Variants in SLC23A2 observed in about 807,000 individuals in gnomAD.
SLC23A2 encodes the protein solute carrier family 23 member 2.
A neutral mutation model predicts 73.3 loss-of-function variants in SLC23A2; 36 were observed. That is an observed-to-expected ratio of 0.49 (90% CI 0.38 to 0.65). The LOEUF is 0.65. SLC23A2 is among the 30% of genes least tolerant of loss of function. SLC23A2 has a pLI of 0.00. For missense variants in SLC23A2, 507 were observed against 841.6 expected (o/e 0.60, Z 4.92); for synonymous variants, 343 against 327.3 (o/e 1.05, Z -0.52).
intron 3 of SLC23A2, among the ~76,000 whole-genome samples, chr20:4,931,031 A>C: frequency 6.8e-6 from 1 of 147,756 alleles, no homozygotes; most frequent in East Asian, 2.0e-4. Flanking sequence ...TTTTTTCTTA[A>C]AATATATTTT....
At chr20:4,909,357 C>T (rs987231196) in intron 4 of SLC23A2, among the ~76,000 whole-genome samples, 2 of 152,066 alleles carry the variant, frequency 1.3e-5, no homozygotes, top group Non-Finnish European at 2.9e-5. Flanking sequence ...AGTTTTAGGA[C>T]GGTTACTCTA....
At chr20:4,942,594 A>G (rs2087060045) in intron 2 of SLC23A2, among the ~76,000 whole-genome samples, 2 of 152,202 alleles carry the variant, frequency 1.3e-5, no homozygotes, top group African/African-American at 4.8e-5. Context: ...TACTTGTTTC[A>G]TCAGCTATTC....
At chr20:4,926,621 C>A (rs1488433406) in intron 3 of SLC23A2, among the ~76,000 whole-genome samples, 1 of 150,278 alleles carries the variant, frequency 6.7e-6, no homozygotes, top group Non-Finnish European at 1.5e-5. Context: ...TAACTAGAGT[C>A]CTGTGGGATA....
At chr20:4,907,790 G>A (rs1932008947) in intron 4 of SLC23A2, among the ~76,000 whole-genome samples, 1 of 151,812 alleles carries the variant, frequency 6.6e-6, no homozygotes, top group Non-Finnish European at 1.5e-5. Flanking sequence ...CAAATTAGAA[G>A]GATACTACAG....
At chr20:4,992,816 C>T (rs1157593308) in intron 1 of SLC23A2, among the ~76,000 whole-genome samples, 1 of 151,642 alleles carries the variant, frequency 6.6e-6, no homozygotes, top group African/African-American at 2.4e-5. Context: ...GGCCAACAGA[C>T]TTGAATTTAA....
chr20:4,971,584 C>T (rs1179124963), intron 1 of SLC23A2, among the ~76,000 whole-genome samples: 2 of 150,460 alleles, frequency 1.3e-5, no homozygotes, highest in Non-Finnish European at 3.0e-5. Context: ...GAGTTCAAGA[C>T]CAGCCTGGGC....
intron 2 of SLC23A2, among the ~76,000 whole-genome samples, chr20:4,968,665 G>A (rs552949170): frequency 6.6e-6 from 1 of 151,786 alleles, no homozygotes; most frequent in South Asian, 2.1e-4. Flanking sequence ...TCTTCCTTCA[G>A]AACTAAGAAA....
chr20:4,871,656 T>A (rs1206179189), intron 11 of SLC23A2, among the ~76,000 whole-genome samples: 3 of 152,140 alleles, frequency 2.0e-5, no homozygotes, highest in Non-Finnish European at 2.9e-5. Flanking sequence ...GCTTGTTCAT[T>A]CTGTGGGAGC....
intron 1 of SLC23A2, among the ~76,000 whole-genome samples, chr20:4,996,685 CAAAAAAAAAA>C (rs1555809857): frequency 1.8e-5 from 1 of 54,772 alleles, no homozygotes; most frequent in Non-Finnish European, 3.4e-5. Flanking sequence ...GATTCCATCT[CAAAAAAAAAA>C]AAAAAAAAAA....
intron 6 of SLC23A2, among the ~76,000 whole-genome samples, chr20:4,894,444 T>C (rs1360454657): frequency 1.3e-5 from 2 of 152,142 alleles, no homozygotes; most frequent in African/African-American, 4.8e-5. Flanking sequence ...AGATGTGCAG[T>C]GAAGGAAGAA....
At chr20:4,995,579 T>C (rs532175198) in intron 1 of SLC23A2, among the ~76,000 whole-genome samples, 13 of 152,182 alleles carry the variant, frequency 8.5e-5, no homozygotes, top group Non-Finnish European at 1.9e-4. Flanking sequence ...TTGCTCACAC[T>C]GATCCCTCGA....
intron 1 of SLC23A2, among the ~76,000 whole-genome samples, chr20:4,997,646 A>C (rs145302520): frequency 7.7e-4 from 117 of 152,242 alleles, no homozygotes; most frequent in Non-Finnish European, 1.2e-3. Context: ...TTATTTTTTT[A>C]AACAAAGTAG....
Position 4,899,587 on chromosome 20 carries a change from G to A in SLC23A2, c.450C>T (p.Ile150=). The A allele has an allele frequency of 6.2e-7, 1 of 1,614,154 alleles. No homozygotes were observed. Among genetic ancestry groups the A allele is most frequent in the Non-Finnish European group, 8.5e-7 (1 of 1,180,008 alleles). ...CAAACGTTGTCTGTAGCAAAGTAGT[G>A]ATTCCCACACAGAAGAAAATGGTCC... ...LIGTIFFCVG[I]TTLLQTTFGC... is the part of the protein sequence containing the mutation. Residue 150 remains isoleucine, a synonymous_variant, in exon 6 of 17, where the codon ATC becomes ATT. Coordinates refer to ENST00000338244, the MANE Select transcript of SLC23A2 (RefSeq NM_005116.6). This position sits in a 1 kb window ranked among gnomAD's most constrained non-coding sequence, Gnocchi z 4.9.
intron 2 of SLC23A2, among the ~76,000 whole-genome samples, chr20:4,962,391 TGGGGAGGCAAGA>T (rs981869371): frequency 6.6e-6 from 1 of 151,868 alleles, no homozygotes; most frequent in Non-Finnish European, 1.5e-5. Flanking sequence ...TAAAAAGGAC[TGGGGAGGCAAGA>T]GGAAGCCAGA....
chr20:4,975,596 G>C (rs1037684155), intron 1 of SLC23A2, among the ~76,000 whole-genome samples: 3 of 151,750 alleles, frequency 2.0e-5, no homozygotes, highest in Non-Finnish European at 2.9e-5. Flanking sequence ...GGCCAGGCTG[G>C]TCTCAAACTC....
rs1931660600 is a variant in SLC23A2, at chr20:4,899,349, TAGG to T, written c.482+203_482+205del. ...TGAGTTTCCAGCTTGGACAACTGGG[TAGG>T]GGAAGGTGGCGGTGGTGCCATTCAC... is the stretch of plus-strand genomic sequence containing the variant. On this transcript the variant is annotated intron_variant, in intron 6 of 16. Transcript: ENST00000338244. This position sits in a 1 kb window ranked among gnomAD's most constrained non-coding sequence, Gnocchi z 4.9. Among the ~76,000 whole-genome samples, 2 of 151,380 alleles carry T rather than the reference TAGG, an allele frequency of 1.3e-5. No homozygotes were observed. The highest frequency in any genetic ancestry group is 4.9e-5 in the African/African-American group (2 of 41,146).
At chr20:4,944,221 G>A (rs1436525834) in intron 2 of SLC23A2, among the ~76,000 whole-genome samples, 4 of 152,010 alleles carry the variant, frequency 2.6e-5, no homozygotes, top group Non-Finnish European at 5.9e-5. Context: ...CCTACCTTGG[G>A]GGCTTGGGAA....
In SLC23A2 at chr20:4,894,500, CCAGT is replaced by C. The variant is rs950720875; in HGVS notation, c.482+5051_482+5054del. Among the ~76,000 whole-genome samples, 5 of 152,318 alleles carry C rather than the reference CCAGT, an allele frequency of 3.3e-5. No individual in the cohort carries two copies. The East Asian group carries it at 7.7e-4, about 24-fold the overall frequency. ...TCAGACATGCTTCACGTGGTCTCAGCCAGTCAGCCTTGGGAAATGTACCCCCATG... is the reference window on the plus strand; with the variant it reads ...TCAGACATGCTTCACGTGGTCTCAGCCAGCCTTGGGAAATGTACCCCCATG... On this transcript the variant is annotated intron_variant, in intron 6 of 16. Transcript: ENST00000338244.
intron 3 of SLC23A2, among the ~76,000 whole-genome samples, chr20:4,930,216 C>T (rs1336973617): frequency 2.6e-5 from 4 of 152,192 alleles, no homozygotes; most frequent in African/African-American, 9.6e-5. Context: ...ATCTCCTGGG[C>T]TGTAAGATAA....
Sources: gnomAD v4.1 joint callset for allele counts (sites outside exome capture counted in the v4.1 genomes callset) on GRCh38, gnomAD v4.1.1 for gene constraint, Gnocchi (gnomAD v3.1) non-coding constraint, MANE v1.5 for transcripts, NCBI Gene and HGNC (gene_info 2026-07-23, HGNC 2026-07-21) for gene names.